Variants in STON2 observed in about 807,000 individuals in gnomAD.
STON2 encodes stonin-2.
STON2 carries 29 observed loss-of-function variants against 65.7 expected under a neutral mutation model. The observed-to-expected ratio is 0.44, with a 90% CI of 0.33 to 0.60. The LOEUF (loss-of-function observed/expected upper bound fraction) is 0.60. Ranked by LOEUF, STON2 falls within the 20% of genes least tolerant of loss-of-function variation. The pLI is 0.03. For synonymous variants in STON2, 404 were observed against 414.2 expected, an observed-to-expected ratio of 0.98 and a Z score of 0.30; for missense variants, 1,054 against 1,118.1, an observed-to-expected ratio of 0.94 and a Z score of 0.82.
chr14:81,333,089 T>C (rs879223224), intron 4 of STON2: 1 of 842,742 alleles, frequency 1.2e-6, no homozygotes, highest in Non-Finnish European at 2.0e-6. Context: ...CTTACAAGTC[T>C]ATGTTTGGAT....
chr14:81,410,588 A>G lies in STON2; in HGVS notation c.-198-12008T>C, dbSNP rs146438667. 5.3e-4 allele frequency among the ~76,000 whole-genome samples: 80 copies of G among 152,314 alleles called. 2 individuals carry two copies. In the South Asian group the frequency reaches 0.012, roughly 22 times the overall value. The stretch of plus-strand genomic sequence containing the variant: ...GGGGACCCTGAGCTCCAGTGAGAAC[A>G]CCACTGGCCAACCCTTGATTTCTGC... On this transcript the variant is annotated intron_variant, in intron 2 of 8. Transcript: ENST00000553821.
chr14:81,351,268 G>T (rs1349893594), intron 4 of STON2, among the ~76,000 whole-genome samples: 1 of 150,252 alleles, frequency 6.7e-6, no homozygotes. Context: ...AAATTCATTG[G>T]ACACCTCCCT....
intron 2 of STON2, among the ~76,000 whole-genome samples, chr14:81,424,997 A>G (rs79613178): frequency 0.039 from 5,986 of 152,304 alleles, 153 homozygotes; most frequent in South Asian, 0.075. Context: ...CACCACTAAT[A>G]GCAGTATTTC....
chr14:81,340,419 T>G (rs1897561590), intron 4 of STON2, among the ~76,000 whole-genome samples: 1 of 152,154 alleles, frequency 6.6e-6, no homozygotes, highest in Admixed American at 6.5e-5. Flanking sequence ...TCAAAACTCA[T>G]GAAACTCCAC....
chr14:81,283,564 T>C (rs1895212632), intron 5 of STON2, among the ~76,000 whole-genome samples: 1 of 145,406 alleles, frequency 6.9e-6, no homozygotes, highest in Non-Finnish European at 1.5e-5. Context: ...GGAGTCTCGC[T>C]GTGTTGCCCA....
chr14:81,402,541 A>AG (rs903755728), upstream of STON2, among the ~76,000 whole-genome samples: 1 of 152,106 alleles, frequency 6.6e-6, no homozygotes, highest in African/African-American at 2.4e-5. Context: ...GCCGGAAAGG[A>AG]GGGGTCTGAG....
At chr14:81,328,427 G>A (rs538975283) in intron 4 of STON2, among the ~76,000 whole-genome samples, 36 of 152,320 alleles carry the variant, frequency 2.4e-4, no homozygotes, top group East Asian at 1.4e-3. Flanking sequence ...GTAACCCAGG[G>A]TTGAGGAGCA....
intron 4 of STON2, among the ~76,000 whole-genome samples, chr14:81,346,849 C>T (rs1266911302): frequency 2.0e-5 from 3 of 151,928 alleles, no homozygotes; most frequent in Admixed American, 6.6e-5. Flanking sequence ...AATTTAAGAA[C>T]GAAACGAAAA....
chr14:81,369,569 C>A (rs189171351), intron 4 of STON2, among the ~76,000 whole-genome samples: 1 of 152,212 alleles, frequency 6.6e-6, no homozygotes, highest in Non-Finnish European at 1.5e-5. Context: ...CTGATGGCCA[C>A]TTATTCTGTG....
In STON2 at chr14:81,306,220, C is replaced by CTATTT. The variant is rs1555397665; in HGVS notation, c.742+17796_742+17797insAAATA. On this transcript the variant is annotated intron_variant, in intron 5 of 7. Transcript: ENST00000614646. Reference sequence around the variant, plus strand: ...TTATATATACACACACATACATACTCTTTTTTTTTTTTTTTTTTTTTTTTT... The same window carrying CTATTT: ...TTATATATACACACACATACATACTCTATTTTTTTTTTTTTTTTTTTTTTTTTTTT... Among the ~76,000 whole-genome samples, 19 of 69,510 alleles carry CTATTT rather than the reference C, an allele frequency of 2.7e-4. 4 individuals carry two copies. Among genetic ancestry groups the CTATTT allele is most frequent in the Admixed American group, 4.4e-4 (2 of 4,498 alleles). 45.6% of individuals were successfully genotyped at this position (69,510 alleles called of 152,430 possible).
At chr14:81,349,303 C>T (rs1056669715) in intron 4 of STON2, among the ~76,000 whole-genome samples, 30 of 151,976 alleles carry the variant, frequency 2.0e-4, no homozygotes, top group Non-Finnish European at 4.4e-4. Flanking sequence ...AAAGAGTCAA[C>T]CTATTGAATG....
intron 4 of STON2, among the ~76,000 whole-genome samples, chr14:81,343,717 C>T (rs1009884272): frequency 1.3e-5 from 2 of 152,164 alleles, no homozygotes; most frequent in Non-Finnish European, 2.9e-5. Flanking sequence ...CTGAAAAGTA[C>T]ATTATATTGT....
At chr14:81,349,639 T>C (rs1897948188) in intron 4 of STON2, among the ~76,000 whole-genome samples, 1 of 152,122 alleles carries the variant, frequency 6.6e-6, no homozygotes. Context: ...GAATGTAAAT[T>C]AGTACAGCCA....
chr14:81,274,762 C>A (rs1894740612), intron 6 of STON2, among the ~76,000 whole-genome samples: 1 of 151,882 alleles, frequency 6.6e-6, no homozygotes, highest in South Asian at 2.1e-4. Context: ...ATGGTGAAAA[C>A]CTGTCTCTAC....
chr14:81,424,389 A>G (rs905125568), intron 2 of STON2, among the ~76,000 whole-genome samples: 1 of 152,126 alleles, frequency 6.6e-6, no homozygotes, highest in Non-Finnish European at 1.5e-5. Flanking sequence ...GGTTGCAGTG[A>G]GCCAAGATCG....
Position 81,270,696 on chromosome 14 carries a change from T to A in STON2, c.2758A>T (p.Asn920Tyr), listed in dbSNP as rs1368390675. Residue 920 changes from asparagine to tyrosine, a missense_variant, in exon 7 of 8, where the codon AAT (asparagine) becomes TAT (tyrosine). Asn to Tyr is a moderately radical substitution (Grantham distance 143, BLOSUM62 -2). Transcript: ENST00000614646. ...EDKTDVRKWVNYSAHYSYQVE... is the reference protein window; with the variant it reads ...EDKTDVRKWVYYSAHYSYQVE... ...TGGTAGCTGTAGTGTGCAGAATAAT[T>A]GACCCACTTCCTGACGTCAGTCTTG... 1 of 1,614,174 alleles carries A rather than the reference T, an allele frequency of 6.2e-7. No homozygotes were observed. Among genetic ancestry groups the A allele is most frequent in the South Asian group, 1.1e-5 (1 of 91,080 alleles).
chr14:81,402,470 G>T (rs1051813304), upstream of STON2, among the ~76,000 whole-genome samples: 5 of 152,170 alleles, frequency 3.3e-5, no homozygotes, highest in African/African-American at 1.2e-4. Flanking sequence ...ACAGCAGCAA[G>T]TAAGAGTGTT....
At position 81,267,573 on chromosome 14, in the gene STON2, G is replaced by A; in HGVS notation, c.*841C>T. On this transcript the variant is annotated 3_prime_UTR_variant, in exon 8 of 8. Transcript: ENST00000614646. ...TCAGAAGTGGACTGTATTTTTCAGT[G>A]TGAATTTGGGAATTCACTGAGATTG... 1.0e-6 allele frequency: 1 copy of A among 985,262 alleles called. No individual in the cohort carries two copies. Among genetic ancestry groups the A allele is most frequent in the South Asian group, 4.7e-5 (1 of 21,288 alleles). 61.0% of individuals were successfully genotyped at this position (985,262 alleles called of 1,614,324 possible). A position where few individuals can be genotyped will look rare whatever the true frequency, so the allele number is the denominator to read the frequency against.
rs184432730 is a variant in STON2, at chr14:81,411,875, A to G, written c.-198-13295T>C. On this transcript the variant is annotated intron_variant, in intron 2 of 8. Coordinates refer to the STON2 transcript ENST00000553821. ...AAGCAGAGTTAAGACAAGGAATAAC[A>G]AGGAATCTTATACATAGAGTGACAG... Among the ~76,000 whole-genome samples the G allele has an allele frequency of 1.9e-4, 27 of 142,288 alleles. 6 individuals carry two copies. The East Asian group carries it at 3.2e-3, about 17-fold the overall frequency. 93.3% of individuals were successfully genotyped at this position (142,288 alleles called of 152,430 possible).
Sources: gnomAD v4.1 joint callset for allele counts (sites outside exome capture counted in the v4.1 genomes callset) on GRCh38, gnomAD v4.1.1 for gene constraint, MANE v1.5 for transcripts, NCBI Gene and HGNC (gene_info 2026-07-23, HGNC 2026-07-21) for gene names.